HNF4G: variants seen among roughly 807,000 people sequenced by gnomAD.
HNF4G encodes hepatocyte nuclear factor 4 gamma.
Under a neutral mutation model 50.9 loss-of-function variants are expected in HNF4G, and 21 were observed. The ratio of observed to expected loss-of-function variants is 0.41; its 90% CI spans 0.29 to 0.59. The LOEUF is 0.59. Ranked by LOEUF, HNF4G falls within the 20% of genes least tolerant of loss-of-function variation. The pLI, the probability that HNF4G is intolerant of heterozygous loss-of-function variation, is 0.26. For missense variants in HNF4G, 527 were observed against 559.4 expected (o/e 0.94, Z 0.58); for synonymous variants, 198 against 185.6 (o/e 1.07, Z -0.54).
chr8:75,562,178 T>C (rs111944380), intron 9 of HNF4G, among the ~76,000 whole-genome samples: 28 of 152,204 alleles, frequency 1.8e-4, no homozygotes, highest in African/African-American at 6.5e-4. Context: ...GTAACAACAA[T>C]TTACCAGTAC....
At chr8:75,451,567 C>T (rs2083652536) in intron 1 of HNF4G, among the ~76,000 whole-genome samples, 1 of 151,240 alleles carries the variant, frequency 6.6e-6, no homozygotes, top group Admixed American at 6.6e-5. Flanking sequence ...TGTGAACATT[C>T]AGTTTTCCCC....
chr8:75,548,885 G>A lies in HNF4G; in HGVS notation c.382+1204G>A, dbSNP rs557043525. Among the ~76,000 whole-genome samples the A allele has an allele frequency of 1.4e-4, 22 of 152,164 alleles. No homozygotes were observed. The South Asian group carries it at 4.1e-3, about 29-fold the overall frequency. ...TAGTTTTGCTCAGGTTGGTAGTGTC[G>A]AAGACAACAAAAAATAAAGTTCACA... On this transcript the variant is annotated intron_variant, in intron 3 of 9. Coordinates refer to ENST00000396423, the MANE Select transcript of HNF4G (RefSeq NM_004133.5).
intron 3 of HNF4G, among the ~76,000 whole-genome samples, chr8:75,547,921 T>A (rs539051236): frequency 6.6e-6 from 1 of 152,088 alleles, no homozygotes; most frequent in African/African-American, 2.4e-5. Flanking sequence ...CACCATTACA[T>A]TGTCCAAGGC....
chr8:75,454,258 A>T (rs944059011), intron 1 of HNF4G, among the ~76,000 whole-genome samples: 1 of 152,194 alleles, frequency 6.6e-6, no homozygotes, highest in Non-Finnish European at 1.5e-5. Context: ...CAGTCTCAAG[A>T]ACCGAGAGAA....
chr8:75,463,333 C>T (rs1811896307), intron 1 of HNF4G, among the ~76,000 whole-genome samples: 1 of 152,014 alleles, frequency 6.6e-6, no homozygotes, highest in African/African-American at 2.4e-5. Context: ...CTCGTCATTC[C>T]CTCACTTTGA....
chr8:75,490,521 A>G (rs530918489), intron 2 of HNF4G, among the ~76,000 whole-genome samples: 22 of 152,322 alleles, frequency 1.4e-4, no homozygotes, highest in Non-Finnish European at 2.8e-4. Flanking sequence ...CTTAATTAGC[A>G]TATTCTCAAA....
chr8:75,519,405 G>C (rs1003485400), intron 2 of HNF4G, among the ~76,000 whole-genome samples: 14 of 152,146 alleles, frequency 9.2e-5, no homozygotes, highest in African/African-American at 3.4e-4. Context: ...CATTTCAGGT[G>C]TCTTTAAAGC....
rs192983317 is a variant in HNF4G, at chr8:75,493,911, C to T, written c.-24+3703C>T. The stretch of plus-strand genomic sequence containing the variant: ...TTTTCTTTAATTTTCTCTGTTGTTA[C>T]ATTTTCCACTGAAAGCAAATTTGCA... On this transcript the variant is annotated intron_variant, in intron 2 of 10. Transcript: ENST00000354370. Among the ~76,000 whole-genome samples, 30 of 152,242 alleles carry T rather than the reference C, an allele frequency of 2.0e-4. No individual in the cohort carries two copies. In the East Asian group the frequency reaches 5.4e-3, roughly 27 times the overall value.
chr8:75,520,537 A>C (rs999134743), intron 2 of HNF4G, among the ~76,000 whole-genome samples: 1 of 152,126 alleles, frequency 6.6e-6, no homozygotes, highest in Non-Finnish European at 1.5e-5. Flanking sequence ...TCCTGGGCTC[A>C]AGCAATATTC....
chr8:75,502,491 T>A (rs1318588380), intron 2 of HNF4G, among the ~76,000 whole-genome samples: 7 of 152,174 alleles, frequency 4.6e-5, no homozygotes, highest in Non-Finnish European at 1.0e-4. Context: ...GCAAACAGCC[T>A]AATGGGCAAA....
chr8:75,453,448 C>T (rs1434825604), intron 1 of HNF4G, among the ~76,000 whole-genome samples: 2 of 152,140 alleles, frequency 1.3e-5, no homozygotes, highest in Non-Finnish European at 2.9e-5. Context: ...TTAAATGGAC[C>T]AATCAGCAGG....
intron 1 of HNF4G, among the ~76,000 whole-genome samples, chr8:75,486,248 G>A (rs781064813): frequency 6.6e-6 from 1 of 152,132 alleles, no homozygotes; most frequent in African/African-American, 2.4e-5. Context: ...TTGTCCCTAC[G>A]ATCAGCCTTG....
chr8:75,548,103 G>C (rs945235422), intron 3 of HNF4G, among the ~76,000 whole-genome samples: 9 of 151,234 alleles, frequency 6.0e-5, no homozygotes, highest in African/African-American at 2.2e-4. Context: ...TCCTGCCTCA[G>C]CCTCTCCAGT....
chr8:75,564,306 T>C lies in HNF4G; in HGVS notation c.*210T>C. On this transcript the variant is annotated 3_prime_UTR_variant, in exon 10 of 10. Coordinates refer to ENST00000396423, the MANE Select transcript of HNF4G (RefSeq NM_004133.5). ...ACATGCAACCAATGTATATCTGAGT[T>C]TGAAGATGTTTATATAGGGTATTTT... The C allele has an allele frequency of 2.0e-6, 1 of 500,834 alleles. No individual in the cohort carries two copies. The highest frequency in any genetic ancestry group is 2.9e-5 in the South Asian group (1 of 34,796). 31.0% of individuals were successfully genotyped at this position (500,834 alleles called of 1,614,324 possible). A position where few individuals can be genotyped will look rare whatever the true frequency, so the allele number is the denominator to read the frequency against.
intron 1 of HNF4G, among the ~76,000 whole-genome samples, chr8:75,483,679 T>C (rs935963885): frequency 2.0e-5 from 3 of 152,210 alleles, no homozygotes; most frequent in Non-Finnish European, 4.4e-5. Flanking sequence ...TGGACTTAGG[T>C]AAATGAAAGG....
chr8:75,477,979 A>G (rs976546769), intron 1 of HNF4G, among the ~76,000 whole-genome samples: 2 of 150,494 alleles, frequency 1.3e-5, no homozygotes, highest in Non-Finnish European at 2.9e-5. Flanking sequence ...AAAAAGAAAA[A>G]AGAAAAAAAA....
At chr8:75,417,665 G>A (rs998778686) in intron 1 of HNF4G, among the ~76,000 whole-genome samples, 2 of 152,072 alleles carry the variant, frequency 1.3e-5, no homozygotes, top group Non-Finnish European at 2.9e-5. Flanking sequence ...TTTATATGAA[G>A]CATATGAATG....
chr8:75,557,375 T>G (rs2130811364), intron 6 of HNF4G, among the ~76,000 whole-genome samples: 1 of 152,302 alleles, frequency 6.6e-6, no homozygotes, highest in South Asian at 2.1e-4. Flanking sequence ...ATCCCAGCAC[T>G]TTGGGAGACA....
chr8:75,563,840 C>A, intron 9 of HNF4G, 135 bp from the exon 10 acceptor site: 2 of 923,524 alleles, frequency 2.2e-6, no homozygotes, highest in Non-Finnish European at 3.2e-6. Flanking sequence ...ATGCATTCTA[C>A]AAATCACTAT....
Sources: gnomAD v4.1 joint callset for allele counts (sites outside exome capture counted in the v4.1 genomes callset) on GRCh38, gnomAD v4.1.1 for gene constraint, MANE v1.5 for transcripts, NCBI Gene and HGNC (gene_info 2026-07-23, HGNC 2026-07-21) for gene names.